Variants in C4orf51 observed in about 807,000 individuals in gnomAD.
C4orf51 encodes the protein chromosome 4 open reading frame 51, also known as uncharacterized protein C4orf51.
A neutral mutation model predicts 25.2 loss-of-function variants in C4orf51; 25 were observed. The ratio of observed to expected loss-of-function variants is 0.99; its 90% CI spans 0.72 to 1.39. The LOEUF is 1.39. C4orf51 is among the 40% of genes most tolerant of loss of function. C4orf51 has a pLI of 0.00. For missense variants in C4orf51, 252 were observed against 239.6 expected (o/e 1.05, Z -0.34); for synonymous variants, 100 against 84.5 (o/e 1.18, Z -1.01).
At chr4:145,780,403 A>G in the C4orf51 span, among the ~76,000 whole-genome samples, 28 of 152,244 alleles carry the variant, frequency 1.8e-4, no homozygotes, top group African/African-American at 6.3e-4. Flanking sequence ...TGTGCCACAG[A>G]AAATTCCCTA....
chr4:145,760,932 G>A (rs1469305682), intron 1 of C4orf51: 1 of 1,232,144 alleles, frequency 8.1e-7, no homozygotes, highest in Middle Eastern at 2.3e-4. Context: ...GAATGAGATG[G>A]GCAAAATCTG....
intron 2 of C4orf51, among the ~76,000 whole-genome samples, chr4:145,713,756 A>T (rs759987262): frequency 2.0e-4 from 31 of 152,212 alleles, no homozygotes; most frequent in Non-Finnish European, 4.0e-4. Context: ...TTTTAAATTA[A>T]GGTATGTCCA....
chr4:145,692,953 G>GTTTTTGTTTTTTTT (rs1729687676), intron 1 of C4orf51, among the ~76,000 whole-genome samples: 1 of 100,972 alleles, frequency 9.9e-6, no homozygotes, highest in African/African-American at 3.5e-5. Context: ...TAAGTTTTTA[G>GTTTTTGTTTTTTTT]TTTTTTTTTT....
the C4orf51 span, among the ~76,000 whole-genome samples, chr4:145,786,462 C>A: frequency 1.3e-5 from 2 of 152,174 alleles, no homozygotes; most frequent in African/African-American, 4.8e-5. Flanking sequence ...TCTGGGGCCG[C>A]TTGGGTTTTC....
At chr4:145,789,607 C>T in the C4orf51 span, among the ~76,000 whole-genome samples, 10 of 152,272 alleles carry the variant, frequency 6.6e-5, no homozygotes, top group Admixed American at 1.3e-4. Context: ...CTGAACTCAA[C>T]GTCACCTAGC....
chr4:145,778,388 C>T, the C4orf51 span, among the ~76,000 whole-genome samples: 3 of 152,326 alleles, frequency 2.0e-5, no homozygotes, highest in Admixed American at 2.0e-4. Flanking sequence ...CCTGCCTTGG[C>T]CTCCCAAAGT....
At chr4:145,750,832 T>C (rs1308873589) in intron 1 of C4orf51, among the ~76,000 whole-genome samples, 2 of 152,166 alleles carry the variant, frequency 1.3e-5, no homozygotes, top group African/African-American at 4.8e-5. Flanking sequence ...TAATTCTTTT[T>C]AATTCTTTTT....
chr4:145,692,918 A>G (rs1205030867), intron 1 of C4orf51, among the ~76,000 whole-genome samples: 1 of 145,118 alleles, frequency 6.9e-6, no homozygotes, highest in African/African-American at 2.5e-5. Context: ...TGCATCTGTG[A>G]GTCCCCAAGT....
intron 2 of C4orf51, among the ~76,000 whole-genome samples, chr4:145,709,438 G>A (rs1380500011): frequency 6.6e-6 from 1 of 152,244 alleles, no homozygotes; most frequent in Admixed American, 6.5e-5. Context: ...AGTCATCCAA[G>A]TTGGTAGGGT....
chr4:145,725,743 G>A (rs541798937), intron 2 of C4orf51, among the ~76,000 whole-genome samples: 2 of 152,148 alleles, frequency 1.3e-5, no homozygotes, highest in South Asian at 4.1e-4. Context: ...AATCTATAGA[G>A]AAAGTAGATG....
chr4:145,719,380 C>T (rs1048812257), intron 2 of C4orf51, among the ~76,000 whole-genome samples: 2 of 151,994 alleles, frequency 1.3e-5, no homozygotes, highest in Non-Finnish European at 2.9e-5. Flanking sequence ...CCGAGGCAGG[C>T]GGATCACGAG....
chr4:145,783,707 T>C, the C4orf51 span, among the ~76,000 whole-genome samples: 4 of 152,250 alleles, frequency 2.6e-5, no homozygotes, highest in Non-Finnish European at 4.4e-5. Flanking sequence ...CCCCTTCTCT[T>C]TTCCAGCCTT....
At chr4:145,720,420 C>T (rs576155956) in intron 2 of C4orf51, among the ~76,000 whole-genome samples, 1 of 152,238 alleles carries the variant, frequency 6.6e-6, no homozygotes, top group Non-Finnish European at 1.5e-5. Flanking sequence ...GTGAAAACCC[C>T]CCACCTACAC....
rs57325282 is a variant in C4orf51 at position 145,753,140 on chromosome 4, T to TTGTGTG, written n.168-1033_168-1028dup. On this transcript the variant is annotated intron_variant and non_coding_transcript_variant, in intron 1 of 1. Coordinates refer to the C4orf51 transcript ENST00000508981. ...CTGATTTTTGGTCTTTATGAAGGTT[T>TTGTGTG]TGTGTGTGTGTGTGTGTGTGTGTGT... Among the ~76,000 whole-genome samples the TTGTGTG allele has an allele frequency of 9.8e-3, 1,425 of 145,834 alleles. 27 individuals are homozygous for TTGTGTG. The highest frequency in any genetic ancestry group is 0.033 in the African/African-American group (1,274 of 38,858).
intron 1 of C4orf51, among the ~76,000 whole-genome samples, chr4:145,686,186 C>T (rs919839737): frequency 2.0e-5 from 3 of 152,094 alleles, no homozygotes; most frequent in Admixed American, 6.6e-5. Flanking sequence ...TTTTGTGTGA[C>T]GTACCTAGGC....
At chr4:145,749,947 T>C (rs939041547) in intron 1 of C4orf51, among the ~76,000 whole-genome samples, 1 of 152,150 alleles carries the variant, frequency 6.6e-6, no homozygotes, top group African/African-American at 2.4e-5. Context: ...ACCCATTATT[T>C]TAAACTGGTA....
chr4:145,771,193 T>G (rs1736227806), downstream of C4orf51, among the ~76,000 whole-genome samples: 1 of 152,250 alleles, frequency 6.6e-6, no homozygotes, highest in Admixed American at 6.5e-5. Flanking sequence ...TAAACACATT[T>G]TTTCAGACCC....
At chr4:145,682,690 G>T (rs952077384) in intron 1 of C4orf51, among the ~76,000 whole-genome samples, 2 of 152,136 alleles carry the variant, frequency 1.3e-5, no homozygotes, top group African/African-American at 4.8e-5. Flanking sequence ...AGTTTTAACC[G>T]CAGATATGTA....
At chr4:145,703,616 C>A (rs1473881799) in intron 2 of C4orf51, among the ~76,000 whole-genome samples, 1 of 152,014 alleles carries the variant, frequency 6.6e-6, no homozygotes, top group East Asian at 1.9e-4. Flanking sequence ...TGATGTAGTT[C>A]CATTTGTTTA....
Sources: allele counts gnomAD v4.1 joint callset (sites outside exome capture counted in the v4.1 genomes callset), GRCh38; gene constraint gnomAD v4.1.1; transcripts MANE v1.5; gene names NCBI Gene and HGNC (gene_info 2026-07-23, HGNC 2026-07-21).